GLIS1: variants seen among roughly 807,000 people sequenced by gnomAD.
GLIS1 encodes GLIS family zinc finger 1, also known as zinc finger protein GLIS1.
Under a neutral mutation model 63.8 loss-of-function variants are expected in GLIS1, and 24 were observed. That is an observed-to-expected ratio of 0.38 (90% CI 0.27 to 0.53). GLIS1 has a LOEUF of 0.53. Ranked by LOEUF, GLIS1 falls within the 20% of genes least tolerant of loss-of-function variation. The probability of loss-of-function intolerance (pLI) is 0.85; values close to 1 mark genes in which losing one functional copy is unlikely to be tolerated. For synonymous variants in GLIS1, 450 were observed against 482.5 expected (o/e 0.93, Z 0.88); for missense variants, 1,036 against 1,074.1 (o/e 0.96, Z 0.50).
At chr1:53,708,663 C>A (rs1282629376) in intron 2 of GLIS1, among the ~76,000 whole-genome samples, 3 of 152,078 alleles carry the variant, frequency 2.0e-5, no homozygotes, top group African/African-American at 4.8e-5. Context: ...CACGCTGGCA[C>A]AGGTTTCAGC....
intron 2 of GLIS1, among the ~76,000 whole-genome samples, chr1:53,696,204 T>C (rs1646463666): frequency 6.6e-6 from 1 of 152,258 alleles, no homozygotes; most frequent in Non-Finnish European, 1.5e-5. Context: ...AGCTAATGGC[T>C]AACAATAAAA....
chr1:53,625,297 C>T (rs1645583200), intron 2 of GLIS1, among the ~76,000 whole-genome samples: 2 of 152,166 alleles, frequency 1.3e-5, no homozygotes, highest in Non-Finnish European at 2.9e-5. Flanking sequence ...CAGCATCTGG[C>T]CAGAGGCATG....
chr1:53,578,721 A>G (rs568776095), intron 4 of GLIS1, among the ~76,000 whole-genome samples: 58 of 152,340 alleles, frequency 3.8e-4, no homozygotes, highest in African/African-American at 1.4e-3. Context: ...CCTTTTCTCT[A>G]ATCTATGTCA....
intron 4 of GLIS1, among the ~76,000 whole-genome samples, chr1:53,593,168 T>A (rs991257781): frequency 4.6e-5 from 7 of 152,242 alleles, no homozygotes; most frequent in Non-Finnish European, 1.0e-4. Context: ...TCCTGATGGC[T>A]GGGCGGGCTG....
intron 2 of GLIS1, among the ~76,000 whole-genome samples, chr1:53,693,089 C>G (rs11206193): frequency 0.28 from 41,867 of 152,162 alleles, 6,555 homozygotes; most frequent in African/African-American, 0.43. Flanking sequence ...TCAACCCAGA[C>G]AGAGAAGCAG....
At chr1:53,544,309 G>A (rs754868370) in intron 4 of GLIS1, among the ~76,000 whole-genome samples, 5 of 152,162 alleles carry the variant, frequency 3.3e-5, no homozygotes, top group Non-Finnish European at 7.3e-5. Context: ...AGAGGAGCCC[G>A]CAACTCTGCT....
chr1:53,671,401 C>T (rs1362443162), intron 2 of GLIS1, among the ~76,000 whole-genome samples: 2 of 152,206 alleles, frequency 1.3e-5, no homozygotes, highest in Non-Finnish European at 2.9e-5. Flanking sequence ...CCACCAGGCT[C>T]GGCTCCTGGC....
chr1:53,614,569 G>A (rs1374529145), intron 2 of GLIS1, among the ~76,000 whole-genome samples: 1 of 152,218 alleles, frequency 6.6e-6, no homozygotes, highest in African/African-American at 2.4e-5. Flanking sequence ...GGAAAGCAGG[G>A]CACAACCAGA....
intron 2 of GLIS1, among the ~76,000 whole-genome samples, chr1:53,614,330 G>A (rs1645456556): frequency 6.6e-6 from 1 of 152,142 alleles, no homozygotes; most frequent in South Asian, 2.1e-4. Context: ...TGTCTCCAAG[G>A]GGGTGACATT....
In GLIS1 at chr1:53,584,160, T is replaced by A. The variant is rs975320837; in HGVS notation, c.1320+9948A>T. ...TACCCACCACACTAGCAACACTAAA[T>A]GTTACCTCTGCCCATATCACAGTCC... On this transcript the variant is annotated intron_variant, in intron 4 of 10. Transcript: ENST00000628545. 5.3e-5 allele frequency among the ~76,000 whole-genome samples: 8 copies of A among 152,304 alleles called. No homozygotes were observed. In the East Asian group the frequency reaches 1.5e-3, roughly 29 times the overall value.
At chr1:53,540,225 C>T (rs916418302) in intron 4 of GLIS1, among the ~76,000 whole-genome samples, 2 of 152,172 alleles carry the variant, frequency 1.3e-5, no homozygotes, top group African/African-American at 2.4e-5. Flanking sequence ...CACAGCCAAG[C>T]GGAGAGGAGC....
chr1:53,628,776 G>A (rs1240387247), intron 2 of GLIS1, among the ~76,000 whole-genome samples: 2 of 152,090 alleles, frequency 1.3e-5, no homozygotes, highest in East Asian at 1.9e-4. Flanking sequence ...GGGTGGAGAC[G>A]GGATGGATTT....
chr1:53,640,906 C>T (rs1240732521), intron 2 of GLIS1, among the ~76,000 whole-genome samples: 3 of 151,954 alleles, frequency 2.0e-5, no homozygotes, highest in Non-Finnish European at 2.9e-5. Context: ...AGCAGGACTG[C>T]GAGATTAAGA....
rs1408097399 is a variant in GLIS1, at chr1:53,514,757, G to A, written c.1751C>T (p.Pro584Leu). Residue 584 changes from proline (P) to leucine (L), a missense_variant, in exon 8 of 11, where the codon CCC (proline) becomes CTC (leucine). Around this residue, in one of 3 missense-constraint regions of GLIS1, gnomAD observed 400 missense variants for 400.9 expected, o/e 1.00. Transcript: ENST00000628545. ...GAGGCCCGATGCAAGTCCGTTATGG[G>A]GGGTGATGGAGCCAGGATACACACC... ...LPGVYPGSITPHNGLASGLLP... is the reference protein window; with the variant it reads ...LPGVYPGSITLHNGLASGLLP... 2 of 1,605,046 alleles carry A rather than the reference G, an allele frequency of 1.2e-6. No homozygotes were observed. Among genetic ancestry groups the A allele is most frequent in the African/African-American group, 2.7e-5 (2 of 74,834 alleles).
intron 2 of GLIS1, among the ~76,000 whole-genome samples, chr1:53,663,816 C>T (rs959807847): frequency 1.3e-5 from 2 of 152,216 alleles, no homozygotes; most frequent in Non-Finnish European, 2.9e-5. Flanking sequence ...AGGCCAGCGG[C>T]GGGGCAGCCC....
At chr1:53,716,198 C>T (rs76183637) in intron 2 of GLIS1, among the ~76,000 whole-genome samples, 1,919 of 152,238 alleles carry the variant, frequency 0.013, 31 homozygotes, top group African/African-American at 0.044. Flanking sequence ...TTCAGGGTTC[C>T]GTGTGTCTCC....
At chr1:53,689,198 T>A (rs993766273) in intron 2 of GLIS1, among the ~76,000 whole-genome samples, 1 of 151,954 alleles carries the variant, frequency 6.6e-6, no homozygotes, top group Non-Finnish European at 1.5e-5. Flanking sequence ...AAGAGAGACG[T>A]GGAGAGTTTC....
At chr1:53,653,600 C>G (rs992212555) in intron 2 of GLIS1, among the ~76,000 whole-genome samples, 7 of 152,218 alleles carry the variant, frequency 4.6e-5, no homozygotes, top group African/African-American at 1.7e-4. Context: ...TTCTTTCTTT[C>G]CTTCCCTCCT....
chr1:53,554,855 T>C (rs1219907093), intron 4 of GLIS1, among the ~76,000 whole-genome samples: 1 of 152,318 alleles, frequency 6.6e-6, no homozygotes, highest in Non-Finnish European at 1.5e-5. Flanking sequence ...AGGCCACTTC[T>C]GAAGGACACT....
Sources: gnomAD v4.1 joint callset for allele counts (sites outside exome capture counted in the v4.1 genomes callset) on GRCh38, gnomAD v4.1.1 for gene constraint, gnomAD v4.1.1 regional missense constraint, MANE v1.5 for transcripts, NCBI Gene and HGNC (gene_info 2026-07-23, HGNC 2026-07-21) for gene names.